ASH2L: variants seen among roughly 807,000 people sequenced by gnomAD.
ASH2L encodes the protein ASH2 like, histone lysine methyltransferase complex subunit, also known as set1/Ash2 histone methyltransferase complex subunit ASH2.
ASH2L carries 30 observed loss-of-function variants against 81.1 expected under a neutral mutation model. The observed-to-expected ratio is 0.37, with a 90% CI of 0.28 to 0.50. The LOEUF (loss-of-function observed/expected upper bound fraction) is 0.50. ASH2L is among the 20% of genes least tolerant of loss of function. The pLI is 0.95. For missense variants in ASH2L, 559 were observed against 792.1 expected (o/e 0.71, Z 3.53); for synonymous variants, 273 against 279.9 (o/e 0.98, Z 0.24).
chr8:38,117,360 G>T, intron 8 of ASH2L: 1 of 719,092 alleles, frequency 1.4e-6, no homozygotes, highest in Non-Finnish European at 1.7e-6. Context: ...AGGTGGGTTG[G>T]AAATAGCTAG....
intron 7 of ASH2L, among the ~76,000 whole-genome samples, 180 bp from the exon 8 acceptor site, chr8:38,116,470 T>G (rs1810904971): frequency 6.6e-6 from 1 of 152,180 alleles, no homozygotes; most frequent in South Asian, 2.1e-4. Flanking sequence ...AAGGCAGAAG[T>G]TGCAGTAAGC....
At chr8:38,119,078 C>G in intron 8 of ASH2L, 192 bp from the exon 9 acceptor site, 1 of 517,208 alleles carries the variant, frequency 1.9e-6, no homozygotes, top group Non-Finnish European at 3.4e-6. Flanking sequence ...TGCCAGAACC[C>G]AGTGTTCCCA....
intron 3 of ASH2L, 23 bp downstream of exon 3, chr8:38,107,189 G>C: frequency 6.2e-7 from 1 of 1,611,796 alleles, no homozygotes; most frequent in East Asian, 2.2e-5. Flanking sequence ...CATAGTTTTT[G>C]TGAGAATTGC....
At chr8:38,132,159 T>G (rs549946253) in intron 12 of ASH2L, among the ~76,000 whole-genome samples, 2 of 152,154 alleles carry the variant, frequency 1.3e-5, no homozygotes, top group African/African-American at 4.8e-5. Context: ...ATGTGTGTGT[T>G]TTAATTTTGA....
chr8:38,132,912 C>T (rs978430914), intron 12 of ASH2L, among the ~76,000 whole-genome samples: 1 of 151,978 alleles, frequency 6.6e-6, no homozygotes, highest in East Asian at 1.9e-4. Flanking sequence ...GCCTGGCCAA[C>T]ATAGTGAAAC....
chr8:38,125,790 C>G (rs759588860), intron 10 of ASH2L, among the ~76,000 whole-genome samples: 5 of 152,180 alleles, frequency 3.3e-5, no homozygotes, highest in Non-Finnish European at 7.3e-5. Context: ...CAGGCATCAT[C>G]TTAATCAAGT....
Position 38,105,900 on chromosome 8 carries a change from T to C in ASH2L, c.188+162T>C, listed in dbSNP as rs1233522178. 4 of 1,459,292 alleles carry C rather than the reference T, an allele frequency of 2.7e-6. No homozygotes were observed. In the South Asian group the frequency reaches 5.6e-5, roughly 20 times the overall value. 90.4% of individuals were successfully genotyped at this position (1,459,292 alleles called of 1,614,324 possible). A position where few individuals can be genotyped will look rare whatever the true frequency, so the allele number is the denominator to read the frequency against. On this transcript the variant is annotated intron_variant, in intron 1 of 15. Coordinates refer to ENST00000343823, the MANE Select transcript of ASH2L (RefSeq NM_004674.5). The stretch of plus-strand genomic sequence containing the variant: ...CTTGGCCCGTCCCCTCTCAAGCATA[T>C]CTCGGATAACGCCCCTTCCGCACCT...
Position 38,128,430 on chromosome 8 carries a change from T to G in ASH2L, c.1305T>G (p.Ala435=). ...TGGATGAGATGCCACCAGATACCGC[T>G]GCCAGACTGGGTTGGTCCCAGCCCC... ...ITVDEMPPDT[A]ARLGWSQPLG... The change falls in exon 11 of 16, where the codon GCT becomes GCG. Residue 435 remains alanine (A), a synonymous_variant. Coordinates refer to ENST00000343823, the MANE Select transcript of ASH2L (RefSeq NM_004674.5). 6.2e-7 allele frequency: 1 copy of G among 1,614,148 alleles called. No homozygotes were observed. Among genetic ancestry groups the G allele is most frequent in the Non-Finnish European group, 8.5e-7 (1 of 1,180,026 alleles).
At chr8:38,121,506 A>C (rs1365962872) in intron 10 of ASH2L, among the ~76,000 whole-genome samples, 1 of 151,758 alleles carries the variant, frequency 6.6e-6, no homozygotes, top group Non-Finnish European at 1.5e-5. Context: ...AGTTATCAAA[A>C]CTGGGAAATT....
Position 38,128,777 on chromosome 8 carries a change from A to C in ASH2L, c.1353A>C (p.Leu451Phe). ...GGACAGGAAACCTTCAAGCTCCTTT[A>C]GGTTATGATAAATTTAGCTATTCTT... The part of the protein sequence containing the change: ...SQPLGNLQAP[L>F]GYDKFSYSWR... The change falls in exon 12 of 16, where the codon TTA becomes TTC. Residue 451 changes from leucine to phenylalanine, a missense_variant. Transcript: ENST00000343823. 6.2e-7 allele frequency: 1 copy of C among 1,613,732 alleles called. No individual in the cohort carries two copies. Among genetic ancestry groups the C allele is most frequent in the Non-Finnish European group, 8.5e-7 (1 of 1,179,958 alleles).
chr8:38,112,061 C>CA (rs1271626277), intron 5 of ASH2L, among the ~76,000 whole-genome samples: 3 of 152,138 alleles, frequency 2.0e-5, no homozygotes, highest in Non-Finnish European at 4.4e-5. Flanking sequence ...GCCTGGAGTG[C>CA]AGTGGCACAG....
chr8:38,115,030 T>C, intron 7 of ASH2L, 30 bp downstream of exon 7: 1 of 1,461,330 alleles, frequency 6.8e-7, no homozygotes, highest in African/African-American at 1.4e-5. Context: ...ATTTTCTTTT[T>C]GATTTTAAGC....
chr8:38,106,506 C>CTT lies in ASH2L; in HGVS notation c.255+77_255+78dup, dbSNP rs112972804. 5,846 of 958,396 alleles carry CTT rather than the reference C, an allele frequency of 6.1e-3. 2 individuals are homozygous for CTT. The highest frequency in any genetic ancestry group is 0.021 in the East Asian group (712 of 34,556). 59.4% of individuals were successfully genotyped at this position (958,396 alleles called of 1,614,324 possible). A position where few individuals can be genotyped will look rare whatever the true frequency, so the allele number is the denominator to read the frequency against. ...TTTGTTTTAGTTATTTCTTCTTCTT[C>CTT]TTTTTTTTTTTTTTTTGTTGCGACG... On this transcript the variant is annotated intron_variant, in intron 2 of 15. Transcript: ENST00000343823.
chr8:38,131,618 A>G (rs550093606), intron 12 of ASH2L, among the ~76,000 whole-genome samples: 9 of 152,288 alleles, frequency 5.9e-5, no homozygotes, highest in Non-Finnish European at 1.0e-4. Flanking sequence ...TGAACTCCAG[A>G]CTGGGCGACA....
chr8:38,132,246 G>T (rs919829656), intron 12 of ASH2L, among the ~76,000 whole-genome samples: 2 of 152,164 alleles, frequency 1.3e-5, no homozygotes, highest in African/African-American at 4.8e-5. Context: ...GGGAAACTGG[G>T]TATAAGGGAC....
chr8:38,128,815 AG>A lies in ASH2L; in HGVS notation c.1394del (p.Gly465GlufsTer47). ...TTTAGCTATTCTTGGCGGAGCAAAAAGGGAACCAAGTTCCACCAGTCCATTG... is the reference window on the plus strand; with the variant it reads ...TTTAGCTATTCTTGGCGGAGCAAAAAGGAACCAAGTTCCACCAGTCCATTG... ...DKFSYSWRSK[K>X]GTKFHQSIGK... On this transcript the variant is annotated frameshift_variant, in exon 12 of 16. Coordinates refer to ENST00000343823, the MANE Select transcript of ASH2L (RefSeq NM_004674.5). LOFTEE classifies it high-confidence loss of function. 6.2e-7 allele frequency: 1 copy of A among 1,614,150 alleles called. No homozygotes were observed. Among genetic ancestry groups the A allele is most frequent in the Non-Finnish European group, 8.5e-7 (1 of 1,180,024 alleles).
intron 3 of ASH2L, 43 bp downstream of exon 3, chr8:38,107,209 T>C (rs1318046017): frequency 1.9e-6 from 3 of 1,608,950 alleles, no homozygotes; most frequent in Non-Finnish European, 1.7e-6. Flanking sequence ...CTCGGTAAAA[T>C]AAATCTGAAC....
At chr8:38,138,319 G>A (rs1802350757) in intron 14 of ASH2L, 1 of 153,686 alleles carries the variant, frequency 6.5e-6, no homozygotes, top group African/African-American at 2.4e-5. Flanking sequence ...AATGCGGGCT[G>A]GAGGGGAAAG....
chr8:38,116,635 G>A lies in ASH2L; in HGVS notation c.778-15G>A, dbSNP rs201403154. On this transcript the variant is annotated splice_polypyrimidine_tract_variant and intron_variant, in intron 7 of 15. Transcript: ENST00000343823. ...CTTACGTAGACTCCTTTTTTAATTG[G>A]ATGTATTTTTGCAGGACCTTAGTAA... The A allele has an allele frequency of 1.5e-4, 236 of 1,601,712 alleles. No individual in the cohort carries two copies. The highest frequency in any genetic ancestry group is 3.1e-5 in the Non-Finnish European group (37 of 1,174,708).
Sources: allele counts gnomAD v4.1 joint callset (sites outside exome capture counted in the v4.1 genomes callset), GRCh38; gene constraint gnomAD v4.1.1; transcripts MANE v1.5; gene names NCBI Gene and HGNC (gene_info 2026-07-23, HGNC 2026-07-21).